PPIL4: variants seen among roughly 807,000 people sequenced by gnomAD.
PPIL4 encodes the protein peptidyl-prolyl cis-trans isomerase-like 4.
In PPIL4, 50 loss-of-function variants were observed where a neutral mutation model predicts 69.1. The ratio of observed to expected loss-of-function variants is 0.72; its 90% CI spans 0.58 to 0.92. PPIL4 has a LOEUF of 0.92. Ranked by LOEUF, PPIL4 falls within the 40% of genes least tolerant of loss-of-function variation. The pLI, the probability that PPIL4 is intolerant of heterozygous loss-of-function variation, is 0.00. For missense variants in PPIL4, 480 were observed against 587.9 expected, an observed-to-expected ratio of 0.82 and a Z score of 1.90; for synonymous variants, 193 against 191.6, an observed-to-expected ratio of 1.01 and a Z score of -0.06.
At chr6:149,510,499 T>C (rs1206530524) in intron 12 of PPIL4, among the ~76,000 whole-genome samples, 2 of 152,132 alleles carry the variant, frequency 1.3e-5, no homozygotes, top group Non-Finnish European at 2.9e-5. Context: ...ATCCCAGCAC[T>C]TTGGGAGGCT....
In PPIL4 at chr6:149,540,963, G is replaced by A; in HGVS notation, c.300C>T (p.Gly100=). The change falls in exon 4 of 13, where the codon GGC becomes GGT. Residue 100 remains glycine, a synonymous_variant. Transcript: ENST00000253329. ...TAACCTGAGATCCATGTTGATCACT[G>A]CCATTATTCACCATGGACACTGTGC... ...KKGTVSMVNN[G]SDQHGSQFLI... is the part of the protein sequence containing the mutation. 10 of 1,603,760 alleles carry A rather than the reference G, an allele frequency of 6.2e-6. No individual in the cohort carries two copies. The highest frequency in any genetic ancestry group is 8.5e-6 in the Non-Finnish European group (10 of 1,171,578).
At chr6:149,538,578 A>G (rs1212588408) in intron 4 of PPIL4, among the ~76,000 whole-genome samples, 1 of 152,242 alleles carries the variant, frequency 6.6e-6, no homozygotes, top group African/African-American at 2.4e-5. Context: ...TCACCATTCT[A>G]GATGTCATTA....
rs1399913425 is a variant in PPIL4 at position 149,512,204 on chromosome 6, G to C, written c.1178C>G (p.Ser393Cys). 1.9e-6 allele frequency: 3 copies of C among 1,613,372 alleles called. No homozygotes were observed. The highest frequency in any genetic ancestry group is 1.7e-5 in the Admixed American group (1 of 59,974). ...GTAGTCCTCATCTTCTTTCTCTTCA[G>C]AACAGTGATGGGTTTTCTTCTTGTG... Reference protein sequence around the residue: ...KKHKKKTHHCSEEKEDEDYMP... With the variant: ...KKHKKKTHHCCEEKEDEDYMP... The change falls in exon 12 of 13, where the codon TCT (serine) becomes TGT (cysteine). Residue 393 changes from serine (S) to cysteine (C), a missense_variant. By Grantham distance (112) the Ser-to-Cys change is moderately radical. Transcript: ENST00000253329.
intron 12 of PPIL4, among the ~76,000 whole-genome samples, chr6:149,506,070 G>A (rs1776766289): frequency 6.6e-6 from 1 of 152,002 alleles, no homozygotes; most frequent in African/African-American, 2.4e-5. Flanking sequence ...CCCAAAACGT[G>A]GTCCCATTAT....
At chr6:149,541,784 T>C (rs1407218658) in intron 1 of PPIL4, among the ~76,000 whole-genome samples, 198 bp from the exon 2 acceptor site, 1 of 151,428 alleles carries the variant, frequency 6.6e-6, no homozygotes, top group Admixed American at 6.6e-5. Flanking sequence ...CGGAGGTGAG[T>C]GGATCACTTG....
At chr6:149,542,516 A>AC (rs1485151180) in intron 1 of PPIL4, among the ~76,000 whole-genome samples, 1 of 152,196 alleles carries the variant, frequency 6.6e-6, no homozygotes, top group Non-Finnish European at 1.5e-5. Context: ...TAGAAACCAA[A>AC]CAGACAGTAA....
chr6:149,505,801 G>A, intron 12 of PPIL4, 97 bp from the exon 13 acceptor site: 1 of 1,133,144 alleles, frequency 8.8e-7, no homozygotes, highest in East Asian at 2.4e-5. Context: ...CCATTAGAAG[G>A]CTGTTATAAC....
At chr6:149,510,470 G>A (rs1378515534) in intron 12 of PPIL4, among the ~76,000 whole-genome samples, 5 of 152,256 alleles carry the variant, frequency 3.3e-5, no homozygotes, top group African/African-American at 4.8e-5. Context: ...AGGGCCGGGC[G>A]CGGTGGCTCA....
In PPIL4 at chr6:149,525,227, A is replaced by G. The variant is rs202182175; in HGVS notation, c.804-18T>C. ...CTTCACAACTGAAAGAAAGTATTTA[A>G]AAGTGACTTAAAAAAAAAAAAAAGG... is the stretch of plus-strand genomic sequence containing the variant. On this transcript the variant is annotated intron_variant, in intron 8 of 12. Coordinates refer to ENST00000253329, the MANE Select transcript of PPIL4 (RefSeq NM_139126.4). The G allele has an allele frequency of 2.2e-6, 3 of 1,392,518 alleles. No homozygotes were observed. Among genetic ancestry groups the G allele is most frequent in the South Asian group, 1.3e-5 (1 of 79,166 alleles). 86.3% of individuals were successfully genotyped at this position (1,392,518 alleles called of 1,614,324 possible). A position where few individuals can be genotyped will look rare whatever the true frequency, so the allele number is the denominator to read the frequency against.
In PPIL4 at chr6:149,512,070, C is replaced by T. The variant is rs530165275; in HGVS notation, c.1227+85G>A. The T allele has an allele frequency of 1.4e-5, 16 of 1,149,486 alleles. No homozygotes were observed. The African/African-American group carries it at 2.3e-4, about 17-fold the overall frequency. The allele number at this position is 1,149,486 out of a possible 1,614,324, so 71.2% of individuals were successfully genotyped here. ...CATCTCTGCTTAGAACTATCCCTTACCTCCTAAATTATATCACTAAGACAT... is the reference window on the plus strand; with the variant it reads ...CATCTCTGCTTAGAACTATCCCTTATCTCCTAAATTATATCACTAAGACAT... On this transcript the variant is annotated intron_variant, in intron 12 of 12. Coordinates refer to ENST00000253329, the MANE Select transcript of PPIL4 (RefSeq NM_139126.4).
At chr6:149,514,295 A>C (rs1776910567) in intron 11 of PPIL4, among the ~76,000 whole-genome samples, 2 of 152,142 alleles carry the variant, frequency 1.3e-5, no homozygotes, top group African/African-American at 4.8e-5. Context: ...ATTTCATCCT[A>C]ATGTGTGCTC....
chr6:149,534,634 C>T, intron 6 of PPIL4, 44 bp downstream of exon 6: 1 of 975,084 alleles, frequency 1.0e-6, no homozygotes, highest in South Asian at 1.5e-5. Flanking sequence ...CCATACAAAT[C>T]ATTAATATGA....
chr6:149,545,464 C>G (rs1319870947), intron 1 of PPIL4, among the ~76,000 whole-genome samples: 21 of 152,144 alleles, frequency 1.4e-4, no homozygotes, highest in Non-Finnish European at 1.5e-5. Context: ...AGTCCACACT[C>G]CAGACAACCT....
intron 4 of PPIL4, among the ~76,000 whole-genome samples, chr6:149,539,552 A>ATT (rs1041739581): frequency 2.0e-5 from 3 of 152,016 alleles, no homozygotes; most frequent in African/African-American, 7.2e-5. Context: ...TAATTTTTGT[A>ATT]TTTTTTTGTG....
chr6:149,521,121 A>T lies in PPIL4; in HGVS notation c.921T>A (p.Asp307Glu). 1 of 1,608,004 alleles carries T rather than the reference A, an allele frequency of 6.2e-7. No individual in the cohort carries two copies. Among genetic ancestry groups the T allele is most frequent in the Non-Finnish European group, 8.5e-7 (1 of 1,176,058 alleles). Residue 307 changes from aspartate (D) to glutamate (E), a missense_variant, in exon 10 of 13, where the codon GAT (aspartate) becomes GAA (glutamate). Physicochemically the swap from Asp to Glu is conservative, Grantham distance 45 (BLOSUM62 2). Coordinates refer to ENST00000253329, the MANE Select transcript of PPIL4 (RefSeq NM_139126.4). ...TAAAATCCACATGTATTCTTCTGTC[A>T]TCTATAAGCACATTGTCCATTTTGA... ...AFFKMDNVLI[D>E]DRRIHVDFSQ...
chr6:149,522,523 A>T (rs537057102), intron 9 of PPIL4, among the ~76,000 whole-genome samples: 1 of 152,354 alleles, frequency 6.6e-6, no homozygotes, highest in African/African-American at 2.4e-5. Flanking sequence ...GATTTATAAC[A>T]AAAGTGGTAC....
chr6:149,516,196 A>G (rs1210246964), intron 11 of PPIL4, among the ~76,000 whole-genome samples: 1 of 152,236 alleles, frequency 6.6e-6, no homozygotes, highest in Non-Finnish European at 1.5e-5. Flanking sequence ...TATCAAATGT[A>G]TTCCATTCAT....
At chr6:149,534,035 A>G (rs1427780433) in intron 6 of PPIL4, among the ~76,000 whole-genome samples, 1 of 152,086 alleles carries the variant, frequency 6.6e-6, no homozygotes, top group African/African-American at 2.4e-5. Flanking sequence ...ATGCACCTAC[A>G]ATCCCAGCAA....
At position 149,541,227 on chromosome 6, in the gene PPIL4, A is replaced by G. The variant is rs190437719; in HGVS notation, c.203+140T>C. 28 of 527,400 alleles carry G rather than the reference A, an allele frequency of 5.3e-5. No homozygotes were observed. The East Asian group carries it at 7.0e-4, about 13-fold the overall frequency. The allele number at this position is 527,400 out of a possible 1,614,324, so 32.7% of individuals were successfully genotyped here. ...GGGGGAAAAAATCTAAATTTAAACC[A>G]TATTTTAAAATGCAGATTGAAGCAT... On this transcript the variant is annotated intron_variant, in intron 3 of 12. Transcript: ENST00000253329.
Sources: gnomAD v4.1 joint callset for allele counts (sites outside exome capture counted in the v4.1 genomes callset) on GRCh38, gnomAD v4.1.1 for gene constraint, MANE v1.5 for transcripts, NCBI Gene and HGNC (gene_info 2026-07-23, HGNC 2026-07-21) for gene names.